The following KHDRBS1 variants were observed in gnomAD, a reference collection of about 807,000 sequenced individuals.
KHDRBS1 encodes KH RNA binding domain containing, signal transduction associated 1.
In KHDRBS1, 7 loss-of-function variants were observed where a neutral mutation model predicts 48.4. The observed-to-expected ratio is 0.14, with a 90% confidence interval of 0.08 to 0.27. KHDRBS1 has a LOEUF of 0.27. Among genes scored for constraint, KHDRBS1 ranks in the 10% least tolerant of loss-of-function variants. The pLI is 1.00. For missense variants in KHDRBS1, 458 were observed against 601.2 expected (o/e 0.76, Z 2.49); for synonymous variants, 241 against 235.8 (o/e 1.02, Z -0.20).
In KHDRBS1 at chr1:32,035,252, G is replaced by C. The variant is rs556996639; in HGVS notation, c.772-1658G>C. 5.9e-5 allele frequency among the ~76,000 whole-genome samples: 9 copies of C among 152,214 alleles called. No homozygotes were observed. The South Asian group carries it at 1.9e-3, about 32-fold the overall frequency. On this transcript the variant is annotated intron_variant, in intron 4 of 8. Transcript: ENST00000327300. Reference sequence around the variant, plus strand: ...TGAAAAAGATGCTTGCCGGGGAGATGTGGGTTTCCTCAGTGTTGATGTGGC... The same window carrying C: ...TGAAAAAGATGCTTGCCGGGGAGATCTGGGTTTCCTCAGTGTTGATGTGGC...
At chr1:32,025,394 G>A (rs1023957708) in intron 1 of KHDRBS1, among the ~76,000 whole-genome samples, 7 of 135,394 alleles carry the variant, frequency 5.2e-5, no homozygotes, top group Non-Finnish European at 7.6e-5. Flanking sequence ...TCCGCCTCCC[G>A]GGTTCAAGCA....
Position 32,037,857 on chromosome 1 carries a change from C to T in KHDRBS1, c.928C>T (p.Arg310Trp). Residue 310 changes from arginine to tryptophan, a missense_variant, in exon 6 of 9, where the codon CGG (arginine) becomes TGG (tryptophan). By Grantham distance (101) the Arg-to-Trp change is moderately radical. Around this residue, in one of 3 missense-constraint regions of KHDRBS1, gnomAD observed 171 missense variants for 228.7 expected, o/e 0.75. Transcript: ENST00000327300. The part of the protein sequence containing the change: ...VPRGRGVGPP[R>W]GALVRGTPVR... ...TAGGGGCCGTGGTGTTGGACCACCT[C>T]GGGGGGCTTTGGTACGTGGTACACC... 3.1e-6 allele frequency: 5 copies of T among 1,614,126 alleles called. No homozygotes were observed. Among genetic ancestry groups the T allele is most frequent in the Non-Finnish European group, 4.2e-6 (5 of 1,180,020 alleles).
chr1:32,058,334 A>G (rs1030923962), intron 10 of KHDRBS1, among the ~76,000 whole-genome samples: 5 of 152,102 alleles, frequency 3.3e-5, no homozygotes, highest in African/African-American at 1.2e-4. Context: ...ATCTGGCCTC[A>G]AGCAATCCTC....
chr1:32,055,177 C>T lies in KHDRBS1; in HGVS notation n.1302-4986C>T, dbSNP rs540345460. Among the ~76,000 whole-genome samples, 449 of 152,176 alleles carry T rather than the reference C, an allele frequency of 3.0e-3. 2 individuals are homozygous for T. Among genetic ancestry groups the T allele is most frequent in the Admixed American group, 4.6e-3 (71 of 15,276 alleles). ...AAAAACTTGGATCCTGGGCCGGGTG[C>T]GGTGGGTCACGCCGGTAATCCCAGC... On this transcript the variant is annotated intron_variant and non_coding_transcript_variant, in intron 10 of 10. Coordinates refer to the KHDRBS1 transcript ENST00000484270.
chr1:32,014,420 C>A (rs1349791536), intron 1 of KHDRBS1, 43 bp downstream of exon 1: 2 of 1,290,080 alleles, frequency 1.6e-6, no homozygotes, highest in South Asian at 2.6e-5. Context: ...CCGGCCATCC[C>A]GGGCATGAGT....
At chr1:32,046,141 CT>C (rs2124395003), downstream of KHDRBS1, among the ~76,000 whole-genome samples, 2 of 151,938 alleles carry the variant, frequency 1.3e-5, no homozygotes, top group South Asian at 4.2e-4. Flanking sequence ...AACCTGTCAT[CT>C]TAATCCTATA....
Position 32,031,556 on chromosome 1 carries a change from A to G in KHDRBS1, c.540A>G (p.Gln180=). ...FNFVGKILGP[Q]GNTIKRLQEE... is the part of the protein sequence containing the mutation. ...TTGTGGGGAAGATTCTTGGACCACA[A>G]GGGAATACAATCAAAAGACTGCAGG... Residue 180 remains glutamine (Q), a synonymous_variant, in exon 3 of 9, where the codon CAA becomes CAG. Coordinates refer to ENST00000327300, the MANE Select transcript of KHDRBS1 (RefSeq NM_006559.3). The G allele has an allele frequency of 6.2e-7, 1 of 1,610,200 alleles. No individual in the cohort carries two copies. The highest frequency in any genetic ancestry group is 8.5e-7 in the Non-Finnish European group (1 of 1,178,738).
At chr1:32,039,819 A>G (rs561332951) in intron 8 of KHDRBS1, among the ~76,000 whole-genome samples, 8 of 152,160 alleles carry the variant, frequency 5.3e-5, no homozygotes, top group Non-Finnish European at 8.8e-5. Flanking sequence ...GTCTTAAACA[A>G]GGGCTCAAGA....
At chr1:32,038,202 A>T in intron 6 of KHDRBS1, 166 bp downstream of exon 6, 2 of 1,135,176 alleles carry the variant, frequency 1.8e-6, no homozygotes, top group Non-Finnish European at 2.5e-6. Flanking sequence ...AGATTTTTCC[A>T]TTTTAGGCAG....
Position 32,023,300 on chromosome 1 carries a change from G to T in KHDRBS1, c.383-6998G>T, listed in dbSNP as rs533813052. Among the ~76,000 whole-genome samples the T allele has an allele frequency of 2.0e-5, 3 of 152,294 alleles. No individual in the cohort carries two copies. The East Asian group carries it at 5.8e-4, about 29-fold the overall frequency. ...ACTGAATTTACTTTCTTTGGTATAA[G>T]AAGTGACTTGGGTTTAAGTATCTGC... On this transcript the variant is annotated intron_variant, in intron 1 of 8. Transcript: ENST00000327300.
intron 1 of KHDRBS1, among the ~76,000 whole-genome samples, chr1:32,019,740 A>G (rs553295460): frequency 1.3e-5 from 2 of 152,158 alleles, no homozygotes; most frequent in South Asian, 4.1e-4. Context: ...TTAAGTATAC[A>G]TTTATCTGTG....
chr1:32,058,535 A>AG (rs1183300605), intron 10 of KHDRBS1, among the ~76,000 whole-genome samples: 3 of 152,072 alleles, frequency 2.0e-5, no homozygotes, highest in African/African-American at 4.8e-5. Context: ...GAATGGGAGG[A>AG]GGGGGGGTGT....
intron 10 of KHDRBS1, among the ~76,000 whole-genome samples, chr1:32,055,533 C>T (rs1345171027): frequency 2.0e-5 from 3 of 152,070 alleles, no homozygotes; most frequent in Admixed American, 6.5e-5. Context: ...GATTAATAGT[C>T]GTTGCATGTT....
At chr1:32,022,073 T>G (rs1447788241) in intron 1 of KHDRBS1, among the ~76,000 whole-genome samples, 1 of 151,940 alleles carries the variant, frequency 6.6e-6, no homozygotes, top group Non-Finnish European at 1.5e-5. Flanking sequence ...GTTCAAGCGA[T>G]TCTCCTCTCT....
intron 10 of KHDRBS1, chr1:32,052,345 GAAAAGAAA>G (rs1639431832): frequency 6.7e-6 from 1 of 148,762 alleles, no homozygotes; most frequent in Admixed American, 6.7e-5. Flanking sequence ...AGGAAAGAAA[GAAAAGAAA>G]AAAAGAAAGA....
chr1:32,045,915 T>A (rs1334562430), downstream of KHDRBS1, among the ~76,000 whole-genome samples: 2 of 152,208 alleles, frequency 1.3e-5, no homozygotes, highest in Non-Finnish European at 2.9e-5. Flanking sequence ...AATATCAGAC[T>A]GGATTAGCTG....
At chr1:32,052,222 C>G (rs530194830) in intron 10 of KHDRBS1, 1 of 152,204 alleles carries the variant, frequency 6.6e-6, no homozygotes, top group East Asian at 1.9e-4. Context: ...CATTTTTGTA[C>G]AGCAAAGTCT....
At chr1:32,031,328 G>A (rs1342345680) in intron 2 of KHDRBS1, among the ~76,000 whole-genome samples, 196 bp from the exon 3 acceptor site, 1 of 152,062 alleles carries the variant, frequency 6.6e-6, no homozygotes, top group East Asian at 1.9e-4. Flanking sequence ...GCCAAATTCA[G>A]GTCTAGGAAC....
At chr1:32,046,412 A>G (rs1284879366), downstream of KHDRBS1, among the ~76,000 whole-genome samples, 1 of 152,018 alleles carries the variant, frequency 6.6e-6, no homozygotes, top group Non-Finnish European at 1.5e-5. Flanking sequence ...ACGAGGTTTC[A>G]CCTTATTGGT....
Sources: allele counts gnomAD v4.1 joint callset (sites outside exome capture counted in the v4.1 genomes callset), GRCh38; gene constraint gnomAD v4.1.1; regional missense constraint gnomAD v4.1.1; transcripts MANE v1.5; gene names NCBI Gene and HGNC (gene_info 2026-07-23, HGNC 2026-07-21).